MYO10: variants seen among roughly 807,000 people sequenced by gnomAD.
MYO10 encodes the protein myosin X, also known as unconventional myosin-X.
A neutral mutation model predicts 257.3 loss-of-function variants in MYO10; 133 were observed. The observed-to-expected ratio is 0.52, with a 90% CI of 0.45 to 0.60. The LOEUF (loss-of-function observed/expected upper bound fraction) is 0.60. Among genes scored for constraint, MYO10 ranks in the 20% least tolerant of loss-of-function variants. The pLI is 0.00. For missense variants in MYO10, 2,399 were observed against 2,635.7 expected, an observed-to-expected ratio of 0.91 and a Z score of 1.97; for synonymous variants, 1,104 against 1,028.6, an observed-to-expected ratio of 1.07 and a Z score of -1.40.
At chr5:16,934,739 G>C (rs1316074780) in intron 1 of MYO10, among the ~76,000 whole-genome samples, 1 of 152,226 alleles carries the variant, frequency 6.6e-6, no homozygotes, top group Non-Finnish European at 1.5e-5. Flanking sequence ...AGTATGAATA[G>C]CTGTCTGAGA....
rs934107721 is a variant in MYO10 at position 16,934,000 on chromosome 5, T to G, written c.21+1788A>C. On this transcript the variant is annotated intron_variant, in intron 1 of 40. Transcript: ENST00000513610. Reference sequence around the variant, plus strand: ...GCTGGGCAAGGGACTTACTCATATCTTTGGGTTAAGATTCTGTCTACAAAA... The same window carrying G: ...GCTGGGCAAGGGACTTACTCATATCGTTGGGTTAAGATTCTGTCTACAAAA... Among the ~76,000 whole-genome samples, 4 of 152,228 alleles carry G rather than the reference T, an allele frequency of 2.6e-5. 1 individual carries two copies. The South Asian group carries it at 8.3e-4, about 31-fold the overall frequency.
In MYO10 at chr5:16,844,971, C is replaced by T. The variant is rs1399329924; in HGVS notation, c.121-26804G>A. On this transcript the variant is annotated intron_variant, in intron 2 of 40. Coordinates refer to ENST00000513610, the MANE Select transcript of MYO10 (RefSeq NM_012334.3). ...ACACACACGCACACACACACACACA[C>T]ACACACAGTGTATTTCCCTTTTCAA... Among the ~76,000 whole-genome samples, 7 of 151,690 alleles carry T rather than the reference C, an allele frequency of 4.6e-5. No homozygotes were observed. The East Asian group carries it at 9.7e-4, about 21-fold the overall frequency.
intron 1 of MYO10, among the ~76,000 whole-genome samples, chr5:16,897,302 T>TAAAAAAAAAA (rs3060810): frequency 1.5e-5 from 2 of 129,082 alleles, no homozygotes; most frequent in Non-Finnish European, 3.3e-5. Flanking sequence ...TTACACTTCG[T>TAAAAAAAAAA]AAAAAAAAAA....
chr5:16,783,559 G>A, intron 4 of MYO10, 90 bp from the exon 5 acceptor site: 2 of 1,347,132 alleles, frequency 1.5e-6, no homozygotes, highest in Non-Finnish European at 2.0e-6. Context: ...TTACTCAACA[G>A]AACAATGGTA....
At chr5:16,878,874 G>A (rs1744676709) in intron 1 of MYO10, among the ~76,000 whole-genome samples, 1 of 151,710 alleles carries the variant, frequency 6.6e-6, no homozygotes, top group Non-Finnish European at 1.5e-5. Context: ...TACACAACAG[G>A]TACAGTGGAC....
chr5:16,730,241 C>T (rs191404263), intron 19 of MYO10, among the ~76,000 whole-genome samples: 6 of 152,284 alleles, frequency 3.9e-5, no homozygotes, highest in East Asian at 3.9e-4. Context: ...TCTAAACAAA[C>T]GCTTCTTATT....
chr5:16,926,916 T>C (rs1486398241), intron 1 of MYO10, among the ~76,000 whole-genome samples: 1 of 152,184 alleles, frequency 6.6e-6, no homozygotes. Context: ...CACCCAGACA[T>C]AGGCAACTGT....
intron 19 of MYO10, among the ~76,000 whole-genome samples, chr5:16,737,034 A>C (rs1211318420): frequency 1.3e-5 from 2 of 152,204 alleles, no homozygotes; most frequent in African/African-American, 4.8e-5. Flanking sequence ...AATCTCAGTT[A>C]TTCAAACTTA....
rs1479883858 is a variant in MYO10 at position 16,889,500 on chromosome 5, AAGGAAGGAAGGAAGGAAGGAAGGAAG to A, written c.22-11819_22-11794del. On this transcript the variant is annotated intron_variant, in intron 1 of 40. Transcript: ENST00000513610. The stretch of plus-strand genomic sequence containing the variant: ...GAAAGAAGGAAGGAAGGAAGGAAGG[AAGGAAGGAAGGAAGGAAGGAAGGAAG>A]GAAGGAAGGGCGGACGAAAGGAAGG... Among the ~76,000 whole-genome samples the A allele has an allele frequency of 9.0e-5, 5 of 55,666 alleles. No individual in the cohort carries two copies. In the Admixed American group the frequency reaches 9.1e-4, roughly 10 times the overall value. 36.5% of individuals were successfully genotyped at this position (55,666 alleles called of 152,430 possible).
intron 19 of MYO10, among the ~76,000 whole-genome samples, chr5:16,719,958 C>CG: frequency 6.6e-6 from 1 of 151,434 alleles, no homozygotes; most frequent in East Asian, 1.9e-4. Context: ...GAGTGAAACT[C>CG]GGTCCCTAAA....
chr5:16,806,353 C>T (rs954187894), intron 3 of MYO10, among the ~76,000 whole-genome samples: 1 of 149,258 alleles, frequency 6.7e-6, no homozygotes. Context: ...TAAGACTCTA[C>T]CTCCAAAAAA....
At chr5:16,874,359 G>GGGTTTT (rs1561031407) in intron 2 of MYO10, among the ~76,000 whole-genome samples, 1 of 28,498 alleles carries the variant, frequency 3.5e-5, no homozygotes, top group Non-Finnish European at 7.0e-5. Context: ...GGGGGGGGGG[G>GGGTTTT]TTTCTTTTCT....
At chr5:16,736,986 T>C (rs1423048166) in intron 19 of MYO10, among the ~76,000 whole-genome samples, 2 of 152,318 alleles carry the variant, frequency 1.3e-5, no homozygotes, top group South Asian at 2.1e-4. Flanking sequence ...AGATTTCATA[T>C]TCAAATCATG....
intron 18 of MYO10, among the ~76,000 whole-genome samples, chr5:16,756,881 G>A (rs1022257722): frequency 2.6e-5 from 4 of 151,860 alleles, no homozygotes; most frequent in South Asian, 2.1e-4. Context: ...CAGGAGGATC[G>A]CTGGAGGCCA....
At chr5:16,913,112 C>A (rs542912550) in intron 1 of MYO10, among the ~76,000 whole-genome samples, 18 of 151,896 alleles carry the variant, frequency 1.2e-4, no homozygotes, top group Admixed American at 2.6e-4. Context: ...AAAAATAAAC[C>A]ATTTCTTTCT....
At chr5:16,829,001 T>A (rs1432250307) in intron 2 of MYO10, among the ~76,000 whole-genome samples, 2 of 152,154 alleles carry the variant, frequency 1.3e-5, no homozygotes. Context: ...ATACAATGAT[T>A]AATTAAACAG....
chr5:16,831,835 A>G (rs1414617862), intron 2 of MYO10, among the ~76,000 whole-genome samples: 1 of 152,204 alleles, frequency 6.6e-6, no homozygotes, highest in Non-Finnish European at 1.5e-5. Context: ...ACTTATTCAT[A>G]TAACCAAACA....
intron 2 of MYO10, among the ~76,000 whole-genome samples, chr5:16,862,681 G>A (rs1039092130): frequency 1.3e-5 from 2 of 152,054 alleles, no homozygotes; most frequent in South Asian, 2.1e-4. Context: ...CTGCCTGGTC[G>A]GAGCTTAGCA....
chr5:16,874,359 G>GGGGGGGTC (rs1561031407), intron 2 of MYO10, among the ~76,000 whole-genome samples: 2 of 28,500 alleles, frequency 7.0e-5, no homozygotes, highest in Non-Finnish European at 1.4e-4. Flanking sequence ...GGGGGGGGGG[G>GGGGGGGTC]TTTCTTTTCT....
Sources: gnomAD v4.1 joint callset for allele counts (sites outside exome capture counted in the v4.1 genomes callset) on GRCh38, gnomAD v4.1.1 for gene constraint, MANE v1.5 for transcripts, NCBI Gene and HGNC (gene_info 2026-07-23, HGNC 2026-07-21) for gene names.